JMJD1C: variants seen among roughly 807,000 people sequenced by gnomAD.
JMJD1C encodes the protein jumonji domain containing 1C.
JMJD1C carries 31 observed loss-of-function variants against 245.3 expected under a neutral mutation model. The observed-to-expected ratio is 0.13, with a 90% CI of 0.09 to 0.17. The LOEUF is 0.17. Ranked by LOEUF, JMJD1C falls within the 10% of genes least tolerant of loss-of-function variation. The pLI, the probability that JMJD1C is intolerant of heterozygous loss-of-function variation, is 1.00. For synonymous variants in JMJD1C, 1,057 were observed against 1,017.4 expected, an observed-to-expected ratio of 1.04 and a Z score of -0.74; for missense variants, 2,691 against 3,000.2, an observed-to-expected ratio of 0.90 and a Z score of 2.41.
intron 24 of JMJD1C, among the ~76,000 whole-genome samples, chr10:63,175,168 CTTTT>C (rs1842766870): frequency 6.6e-6 from 1 of 152,124 alleles, no homozygotes; most frequent in East Asian, 1.9e-4. Context: ...ATAGGCTCTT[CTTTT>C]GAGAGCATTT....
intron 1 of JMJD1C, among the ~76,000 whole-genome samples, chr10:63,444,599 A>C (rs906205183): frequency 2.6e-5 from 4 of 151,536 alleles, no homozygotes; most frequent in Admixed American, 2.6e-4. Flanking sequence ...TTAATTAAAC[A>C]AACAATTACT....
intron 1 of JMJD1C, among the ~76,000 whole-genome samples, chr10:63,450,468 A>T (rs187323870): frequency 5.3e-5 from 8 of 151,910 alleles, no homozygotes; most frequent in South Asian, 2.1e-4. Context: ...AAGAGAAATT[A>T]AAAAAAAATT....
At chr10:63,497,535 C>G (rs920723676) in intron 1 of JMJD1C, among the ~76,000 whole-genome samples, 1 of 152,138 alleles carries the variant, frequency 6.6e-6, no homozygotes, top group Admixed American at 6.5e-5. Flanking sequence ...CAGTTTCTTT[C>G]AGGGCTGATG....
At chr10:63,371,586 C>T (rs944926614) in intron 2 of JMJD1C, among the ~76,000 whole-genome samples, 5 of 152,114 alleles carry the variant, frequency 3.3e-5, no homozygotes, top group Admixed American at 2.6e-4. Context: ...ATTAGCTAAA[C>T]TGAATACACT....
intron 1 of JMJD1C, among the ~76,000 whole-genome samples, chr10:63,438,524 A>G (rs1391038982): frequency 6.6e-6 from 1 of 152,158 alleles, no homozygotes; most frequent in Non-Finnish European, 1.5e-5. Flanking sequence ...CACCTCGTTC[A>G]TGCCTTCCCA....
chr10:63,179,338 G>A (rs1200978868), intron 22 of JMJD1C, among the ~76,000 whole-genome samples: 1 of 151,930 alleles, frequency 6.6e-6, no homozygotes, highest in Non-Finnish European at 1.5e-5. Flanking sequence ...GAACCCAGGA[G>A]GTGGAGGTTA....
intron 2 of JMJD1C, among the ~76,000 whole-genome samples, chr10:63,283,826 A>G (rs573636454): frequency 1.3e-5 from 2 of 152,096 alleles, no homozygotes; most frequent in Admixed American, 1.3e-4. Context: ...AAAAAGTTAC[A>G]TAATTCAGTG....
chr10:63,350,231 T>C (rs1245374932), intron 2 of JMJD1C, among the ~76,000 whole-genome samples: 2 of 152,258 alleles, frequency 1.3e-5, no homozygotes, highest in African/African-American at 2.4e-5. Flanking sequence ...TGTTTGTGAG[T>C]GGCAGATGTA....
At chr10:63,510,911 T>C (rs1954853802) in intron 1 of JMJD1C, among the ~76,000 whole-genome samples, 1 of 152,234 alleles carries the variant, frequency 6.6e-6, no homozygotes, top group Admixed American at 6.5e-5. Flanking sequence ...TGTATCTTCT[T>C]GGATTACTTA....
At chr10:63,311,208 T>TAAAA (rs35736800) in intron 2 of JMJD1C, among the ~76,000 whole-genome samples, 2 of 128,770 alleles carry the variant, frequency 1.6e-5, no homozygotes, top group Non-Finnish European at 1.6e-5. Flanking sequence ...CCGGCTCTAT[T>TAAAA]AAAAAAAAAA....
At chr10:63,508,909 TA>T (rs1327870070) in intron 1 of JMJD1C, among the ~76,000 whole-genome samples, 1 of 152,236 alleles carries the variant, frequency 6.6e-6, no homozygotes, top group East Asian at 1.9e-4. Flanking sequence ...CTTTTCAATC[TA>T]TATACCTTTT....
intron 1 of JMJD1C, among the ~76,000 whole-genome samples, chr10:63,412,972 C>T (rs758290730): frequency 2.6e-5 from 4 of 151,934 alleles, no homozygotes; most frequent in East Asian, 1.9e-4. Context: ...ATAGTGTATA[C>T]GAGGGATGAT....
chr10:63,411,455 T>C (rs1173394806), intron 1 of JMJD1C, among the ~76,000 whole-genome samples: 1 of 151,970 alleles, frequency 6.6e-6, no homozygotes, highest in Non-Finnish European at 1.5e-5. Flanking sequence ...CCCACCACCA[T>C]GTCCGGCTAA....
intron 1 of JMJD1C, among the ~76,000 whole-genome samples, chr10:63,490,047 TGCCTGATGATCTG>T (rs1314680797): frequency 2.0e-5 from 3 of 152,214 alleles, no homozygotes; most frequent in African/African-American, 2.4e-5. Context: ...GAGAATCTAA[TGCCTGATGATCTG>T]GGGTGGAAGA....
intron 1 of JMJD1C, among the ~76,000 whole-genome samples, chr10:63,381,818 T>C (rs569271561): frequency 3.9e-5 from 6 of 151,994 alleles, no homozygotes; most frequent in Non-Finnish European, 8.8e-5. Flanking sequence ...ATTTACAGAG[T>C]GTTGATCAGT....
At chr10:63,512,580 T>A (rs1954902929) in intron 1 of JMJD1C, among the ~76,000 whole-genome samples, 1 of 152,184 alleles carries the variant, frequency 6.6e-6, no homozygotes, top group Admixed American at 6.5e-5. Flanking sequence ...AGTTTCTCTA[T>A]AGGTAAGGTA....
intron 10 of JMJD1C, chr10:63,204,209 C>A (rs1274124517): frequency 1.4e-5 from 14 of 985,024 alleles, no homozygotes; most frequent in Non-Finnish European, 1.7e-5. Flanking sequence ...TAGATGACAT[C>A]TAATATTGAC....
At chr10:63,178,479 G>C (rs1843072478) in intron 22 of JMJD1C, among the ~76,000 whole-genome samples, 1 of 152,034 alleles carries the variant, frequency 6.6e-6, no homozygotes, top group Non-Finnish European at 1.5e-5. Flanking sequence ...AACTTACAAA[G>C]GTCTTTTATG....
intron 2 of JMJD1C, among the ~76,000 whole-genome samples, chr10:63,295,915 G>A (rs1335379143): frequency 7.0e-6 from 1 of 142,734 alleles, no homozygotes; most frequent in Admixed American, 7.0e-5. Context: ...ATACGTGTAT[G>A]TATATACATG....
Sources: allele counts gnomAD v4.1 joint callset (sites outside exome capture counted in the v4.1 genomes callset), GRCh38; gene constraint gnomAD v4.1.1; transcripts MANE v1.5; gene names NCBI Gene and HGNC (gene_info 2026-07-23, HGNC 2026-07-21).